FRYL: variants seen among roughly 807,000 people sequenced by gnomAD.
FRYL encodes the protein protein furry homolog-like.
FRYL carries 150 observed loss-of-function variants against 351.2 expected under a neutral mutation model. The ratio of observed to expected loss-of-function variants is 0.43; its 90% CI spans 0.37 to 0.49. The LOEUF (loss-of-function observed/expected upper bound fraction) is 0.49, where lower values mean the gene tolerates loss of function less well. Ranked by LOEUF, FRYL falls within the 20% of genes least tolerant of loss-of-function variation. The pLI, the probability that FRYL is intolerant of heterozygous loss-of-function variation, is 0.00. For synonymous variants in FRYL, 1,153 were observed against 1,257.1 expected (o/e 0.92, Z 1.75); for missense variants, 3,036 against 3,619.3 (o/e 0.84, Z 4.13).
At chr4:48,665,756 GA>G (rs957014656) in intron 3 of FRYL, among the ~76,000 whole-genome samples, 6 of 152,164 alleles carry the variant, frequency 3.9e-5, no homozygotes, top group Admixed American at 3.9e-4. Context: ...AATGATGCCA[GA>G]AAAGAGACTT....
At chr4:48,740,843 G>A (rs1382741995) in intron 1 of FRYL, among the ~76,000 whole-genome samples, 4 of 152,130 alleles carry the variant, frequency 2.6e-5, no homozygotes, top group Non-Finnish European at 5.9e-5. Flanking sequence ...AAGACAGCTT[G>A]GTGGTTTTTT....
intron 1 of FRYL, among the ~76,000 whole-genome samples, chr4:48,774,849 A>G (rs138528210): frequency 1.3e-5 from 2 of 152,090 alleles, no homozygotes; most frequent in African/African-American, 4.8e-5. Flanking sequence ...CCAGCCAATG[A>G]TTTTTCAAAA....
chr4:48,694,307 T>G (rs1428828694), intron 2 of FRYL, among the ~76,000 whole-genome samples: 7 of 151,962 alleles, frequency 4.6e-5, no homozygotes, highest in Non-Finnish European at 7.4e-5. Context: ...TAGAATACTT[T>G]TTTTTTTTTT....
Position 48,579,083 on chromosome 4 carries a change from G to T in FRYL, c.2418C>A (p.Ser806=), listed in dbSNP as rs764993245. 26 of 1,614,022 alleles carry T rather than the reference G, an allele frequency of 1.6e-5. 2 individuals carry two copies. In the Middle Eastern group the frequency reaches 2.3e-3, roughly 143 times the overall value. Residue 806 remains serine (S), a synonymous_variant, in exon 23 of 64, where the codon TCC becomes TCA. Transcript: ENST00000358350. The stretch of plus-strand genomic sequence containing the variant: ...GAAGATTTTCTTGCTTTAAAAAACT[G>T]GAGAGACTTATAATCCATGGGTCTT... ...QGQDPWIISL[S]SFLKQENLPK... is the part of the protein sequence containing the mutation.
At chr4:48,557,819 T>C in intron 33 of FRYL, 107 bp from the exon 34 acceptor site, 2 of 1,238,918 alleles carry the variant, frequency 1.6e-6, no homozygotes, top group Non-Finnish European at 2.2e-6. Context: ...TTTTACTCAT[T>C]ACACTTAACA....
intron 1 of FRYL, among the ~76,000 whole-genome samples, chr4:48,755,098 CCATCTGGTAGTCA>C (rs1297504160): frequency 6.6e-6 from 1 of 152,082 alleles, no homozygotes; most frequent in Non-Finnish European, 1.5e-5. Flanking sequence ...TTCTGTGAAG[CCATCTGGTAGTCA>C]CATGTTATAT....
chr4:48,671,390 G>A (rs931380510), intron 3 of FRYL, among the ~76,000 whole-genome samples: 6 of 152,230 alleles, frequency 3.9e-5, no homozygotes, highest in South Asian at 4.2e-4. Context: ...AGCTAGGGCC[G>A]GGTGTGGTGG....
chr4:48,500,528 A>G (rs545571220), intron 62 of FRYL, among the ~76,000 whole-genome samples: 4 of 152,234 alleles, frequency 2.6e-5, no homozygotes, highest in Non-Finnish European at 5.9e-5. Context: ...ATGGGGGATC[A>G]TGAAAACTAT....
At chr4:48,708,209 G>A (rs768116937) in intron 2 of FRYL, among the ~76,000 whole-genome samples, 32 of 151,948 alleles carry the variant, frequency 2.1e-4, no homozygotes, top group Non-Finnish European at 3.4e-4. Flanking sequence ...AACCCAGGAG[G>A]CGGAGGTTGC....
chr4:48,694,816 A>G (rs776836948), intron 2 of FRYL, among the ~76,000 whole-genome samples: 18 of 152,306 alleles, frequency 1.2e-4, no homozygotes, highest in Non-Finnish European at 2.1e-4. Context: ...TCACTCCTGT[A>G]ATCTCAGCAC....
At position 48,499,697 on chromosome 4, in the gene FRYL, G is replaced by A; in HGVS notation, c.8784-17C>T. On this transcript the variant is annotated splice_polypyrimidine_tract_variant and intron_variant, in intron 63 of 63. Transcript: ENST00000358350. Reference sequence around the variant, plus strand: ...CAGAGAGATCTGAAAATACACAATAGTTTTTCAGTTCTGAGACTTAGGCAA... The same window carrying A: ...CAGAGAGATCTGAAAATACACAATAATTTTTCAGTTCTGAGACTTAGGCAA... 1.2e-6 allele frequency: 2 copies of A among 1,609,432 alleles called. No homozygotes were observed. The highest frequency in any genetic ancestry group is 1.7e-6 in the Non-Finnish European group (2 of 1,177,290).
intron 33 of FRYL, 57 bp downstream of exon 33, chr4:48,561,411 T>C: frequency 8.7e-7 from 1 of 1,149,726 alleles, no homozygotes; most frequent in Non-Finnish European, 1.2e-6. Context: ...TTTCTAAAAA[T>C]TGTTTCTGAA....
At chr4:48,730,005 C>T (rs1445502418) in intron 1 of FRYL, among the ~76,000 whole-genome samples, 1 of 152,100 alleles carries the variant, frequency 6.6e-6, no homozygotes, top group Non-Finnish European at 1.5e-5. Context: ...AGACGAATGG[C>T]TAATTAGAAT....
chr4:48,758,671 G>A (rs2109360183), intron 1 of FRYL, among the ~76,000 whole-genome samples: 1 of 152,340 alleles, frequency 6.6e-6, no homozygotes, highest in East Asian at 1.9e-4. Context: ...AAGACAGTGT[G>A]GCGATTCCTC....
intron 3 of FRYL, chr4:48,637,510 T>C (rs1424480809): frequency 1.3e-5 from 2 of 152,108 alleles, no homozygotes; most frequent in Non-Finnish European, 2.9e-5. Flanking sequence ...TTGAAAGATT[T>C]ATGTAAGCCT....
chr4:48,708,985 G>C (rs568705322), intron 2 of FRYL, among the ~76,000 whole-genome samples: 1 of 151,030 alleles, frequency 6.6e-6, no homozygotes, highest in Non-Finnish European at 1.5e-5. Context: ...GCGGTGGCGC[G>C]ATCTCGGCTC....
At chr4:48,617,504 A>G (rs1163839441) in intron 7 of FRYL, 1 of 151,978 alleles carries the variant, frequency 6.6e-6, no homozygotes, top group Non-Finnish European at 1.5e-5. Flanking sequence ...ACATACCACC[A>G]CACCCAGATA....
chr4:48,743,995 A>G (rs1033480712), intron 1 of FRYL, among the ~76,000 whole-genome samples: 2 of 152,244 alleles, frequency 1.3e-5, no homozygotes, highest in African/African-American at 4.8e-5. Context: ...CACTGCACAC[A>G]TACACATTTT....
At chr4:48,663,774 C>CAAAAAAAAAA (rs71191251) in intron 3 of FRYL, among the ~76,000 whole-genome samples, 2 of 70,094 alleles carry the variant, frequency 2.9e-5, no homozygotes, top group African/African-American at 9.9e-5. Context: ...GACTCCGTCT[C>CAAAAAAAAAA]AAAAAAAAAA....
Sources: allele counts gnomAD v4.1 joint callset (sites outside exome capture counted in the v4.1 genomes callset), GRCh38; gene constraint gnomAD v4.1.1; transcripts MANE v1.5; gene names NCBI Gene and HGNC (gene_info 2026-07-23, HGNC 2026-07-21).